Variants in LRBA observed in about 807,000 individuals in gnomAD.
The protein encoded by LRBA is lipopolysaccharide-responsive and beige-like anchor protein.
Under a neutral mutation model 330.0 loss-of-function variants are expected in LRBA, and 176 were observed. That is an observed-to-expected ratio of 0.53 (90% CI 0.47 to 0.60). The LOEUF (loss-of-function observed/expected upper bound fraction) is 0.60. Ranked by LOEUF, LRBA falls within the 20% of genes least tolerant of loss-of-function variation. The pLI, the probability that LRBA is intolerant of heterozygous loss-of-function variation, is 0.00. For synonymous variants in LRBA, 1,230 were observed against 1,193.0 expected, an observed-to-expected ratio of 1.03 and a Z score of -0.64; for missense variants, 3,259 against 3,444.8, an observed-to-expected ratio of 0.95 and a Z score of 1.35.
intron 2 of LRBA, among the ~76,000 whole-genome samples, chr4:150,936,449 A>T (rs916393214): frequency 1.3e-5 from 2 of 152,040 alleles, no homozygotes; most frequent in Non-Finnish European, 2.9e-5. Flanking sequence ...AAAAGAATCC[A>T]CACAGAAGAA....
intron 2 of LRBA, among the ~76,000 whole-genome samples, chr4:150,964,190 C>T (rs964915435): frequency 1.3e-5 from 2 of 148,700 alleles, no homozygotes; most frequent in Admixed American, 6.6e-5. Flanking sequence ...TGCCCAGCCA[C>T]CCCATCTGGG....
chr4:150,322,995 C>CTGTG (rs577818605), intron 49 of LRBA, among the ~76,000 whole-genome samples: 17 of 23,910 alleles, frequency 7.1e-4, no homozygotes, highest in South Asian at 3.8e-3. Flanking sequence ...GTGTGTGTCT[C>CTGTG]TGTGTGTGTG....
rs755925015 is a variant in LRBA at position 150,929,076 on chromosome 4, A to C, written c.217-11T>G. On this transcript the variant is annotated splice_polypyrimidine_tract_variant and intron_variant, in intron 2 of 56. Transcript: ENST00000651943. ...CTGTCCTCCTACCAACTTACAAGGAAAAAAAAAAAACACATTAAAAGCATT... is the reference window on the plus strand; with the variant it reads ...CTGTCCTCCTACCAACTTACAAGGACAAAAAAAAAACACATTAAAAGCATT... 19 of 1,510,158 alleles carry C rather than the reference A, an allele frequency of 1.3e-5. No individual in the cohort carries two copies. The highest frequency in any genetic ancestry group is 1.7e-5 in the Non-Finnish European group (19 of 1,102,946). The allele number at this position is 1,510,158 out of a possible 1,614,324, so 93.5% of individuals were successfully genotyped here.
At chr4:150,418,809 T>C (rs1242887434) in intron 46 of LRBA, among the ~76,000 whole-genome samples, 2 of 152,192 alleles carry the variant, frequency 1.3e-5, no homozygotes, top group Non-Finnish European at 2.9e-5. Context: ...CTTTCTTTTC[T>C]GTCTTGTGTG....
intron 37 of LRBA, among the ~76,000 whole-genome samples, chr4:150,642,247 T>C (rs938620082): frequency 8.6e-5 from 13 of 151,960 alleles, no homozygotes; most frequent in African/African-American, 3.1e-4. Context: ...TATTTGTTCT[T>C]GTTGTTTGGT....
At chr4:150,305,143 C>T (rs1052517292) in intron 52 of LRBA, among the ~76,000 whole-genome samples, 3 of 152,060 alleles carry the variant, frequency 2.0e-5, no homozygotes, top group South Asian at 2.1e-4. Context: ...TAGAGGAAAC[C>T]CAGGTGTTCT....
intron 40 of LRBA, among the ~76,000 whole-genome samples, chr4:150,522,579 C>T (rs1763032588): frequency 6.6e-6 from 1 of 152,140 alleles, no homozygotes; most frequent in African/African-American, 2.4e-5. Flanking sequence ...CAGAGGGGCT[C>T]AAGGCACCCG....
At chr4:151,001,809 G>C (rs72963647) in intron 2 of LRBA, among the ~76,000 whole-genome samples, 37 of 152,196 alleles carry the variant, frequency 2.4e-4, no homozygotes, top group African/African-American at 8.9e-4. Context: ...TCAACCCACT[G>C]ATACTGGTGC....
chr4:150,853,305 C>G (rs1401982267), intron 22 of LRBA, among the ~76,000 whole-genome samples: 1 of 152,170 alleles, frequency 6.6e-6, no homozygotes, highest in Non-Finnish European at 1.5e-5. Context: ...CTGGATAACA[C>G]TTGTTTCAAC....
chr4:150,266,139 C>G (rs1303485466), intron 56 of LRBA, among the ~76,000 whole-genome samples: 1 of 151,954 alleles, frequency 6.6e-6, no homozygotes, highest in Non-Finnish European at 1.5e-5. Flanking sequence ...TAAAGGGGGA[C>G]TGGGCTGGCA....
intron 44 of LRBA, among the ~76,000 whole-genome samples, chr4:150,443,872 ATTTTTTTTTTTT>A (rs61403112): frequency 0.025 from 2,234 of 88,436 alleles, 105 homozygotes; most frequent in African/African-American, 0.086. Flanking sequence ...ATATATATAT[ATTTTTTTTTTTT>A]TTTTTTTTTA....
rs1749570658 is a variant in LRBA at position 150,844,541 on chromosome 4, A to G, written c.4461+117T>C. ...ATTTGAATGTTATATGCAGGCCTAA[A>G]GTAACTATTTTAATCTCTGCCAGAT... On this transcript the variant is annotated intron_variant, in intron 27 of 56. Transcript: ENST00000651943. 3.4e-6 allele frequency: 3 copies of G among 875,110 alleles called. No individual in the cohort carries two copies. The East Asian group carries it at 8.2e-5, about 24-fold the overall frequency. 54.2% of individuals were successfully genotyped at this position (875,110 alleles called of 1,614,324 possible).
At chr4:150,740,332 A>G (rs1731775666) in intron 35 of LRBA, among the ~76,000 whole-genome samples, 1 of 152,182 alleles carries the variant, frequency 6.6e-6, no homozygotes, top group Non-Finnish European at 1.5e-5. Context: ...TGAAAGTTAA[A>G]TAAGGATAAG....
At chr4:150,372,714 T>C (rs186045025) in intron 47 of LRBA, among the ~76,000 whole-genome samples, 142 of 64,488 alleles carry the variant, frequency 2.2e-3, no homozygotes, top group Non-Finnish European at 3.7e-3. Flanking sequence ...ATGTTCCTTA[T>C]AAAATATCCT....
intron 56 of LRBA, among the ~76,000 whole-genome samples, chr4:150,273,776 T>C (rs1354178283): frequency 6.6e-6 from 1 of 152,176 alleles, no homozygotes; most frequent in Non-Finnish European, 1.5e-5. Context: ...TAAATATATA[T>C]GCACCCAATA....
chr4:150,986,529 G>A (rs1283548883), intron 2 of LRBA, among the ~76,000 whole-genome samples: 1 of 152,152 alleles, frequency 6.6e-6, no homozygotes, highest in Non-Finnish European at 1.5e-5. Flanking sequence ...AGACAAATCT[G>A]ACAAAATCTG....
chr4:150,268,475 C>T (rs968586716), intron 56 of LRBA, among the ~76,000 whole-genome samples: 1 of 152,158 alleles, frequency 6.6e-6, no homozygotes, highest in African/African-American at 2.4e-5. Context: ...GAAGACATTA[C>T]AACAAAAGAA....
At chr4:150,540,309 G>C (rs1436049929) in intron 40 of LRBA, among the ~76,000 whole-genome samples, 1 of 152,108 alleles carries the variant, frequency 6.6e-6, no homozygotes, top group Non-Finnish European at 1.5e-5. Flanking sequence ...AGCCTCCTAG[G>C]TTCAAGCGAT....
intron 2 of LRBA, among the ~76,000 whole-genome samples, chr4:151,002,399 C>A (rs373151883): frequency 2.9e-4 from 44 of 151,058 alleles, no homozygotes; most frequent in Non-Finnish European, 4.3e-4. Context: ...AAACCCCCCC[C>A]ACTAAAAATA....
Sources: gnomAD v4.1 joint callset for allele counts (sites outside exome capture counted in the v4.1 genomes callset) on GRCh38, gnomAD v4.1.1 for gene constraint, MANE v1.5 for transcripts, NCBI Gene and HGNC (gene_info 2026-07-23, HGNC 2026-07-21) for gene names.